The following NLRP5 variants were observed in gnomAD, a reference collection of about 807,000 sequenced individuals.
The protein encoded by NLRP5 is NLR family pyrin domain containing 5.
NLRP5 carries 93 observed loss-of-function variants against 113.1 expected under a neutral mutation model. The observed-to-expected ratio is 0.82, with a 90% confidence interval of 0.70 to 0.98. NLRP5 has a LOEUF of 0.98. NLRP5 is among the 50% of genes least tolerant of loss of function. The pLI, the probability that NLRP5 is intolerant of heterozygous loss-of-function variation, is 0.00. For missense variants in NLRP5, 1,808 were observed against 1,514.3 expected, an observed-to-expected ratio of 1.19 and a Z score of -3.22; for synonymous variants, 751 against 600.7, an observed-to-expected ratio of 1.25 and a Z score of -3.66.
At chr19:56,021,072 A>G (rs1009008124) in intron 6 of NLRP5, among the ~76,000 whole-genome samples, 6 of 151,824 alleles carry the variant, frequency 4.0e-5, no homozygotes, top group Non-Finnish European at 7.4e-5. Flanking sequence ...GGGTTTCACC[A>G]TATTGGCCAG....
At chr19:56,021,840 A>C (rs562592228) in intron 6 of NLRP5, among the ~76,000 whole-genome samples, 1 of 152,302 alleles carries the variant, frequency 6.6e-6, no homozygotes, top group East Asian at 1.9e-4. Flanking sequence ...TGAAGATATA[A>C]AGCTAACTGG....
chr19:56,003,556 CAA>C (rs1981736005), intron 1 of NLRP5, among the ~76,000 whole-genome samples, 178 bp from the exon 2 acceptor site: 1 of 152,184 alleles, frequency 6.6e-6, no homozygotes, highest in Non-Finnish European at 1.5e-5. Context: ...GTACAGACAA[CAA>C]AATGTCCCAG....
chr19:56,036,306 A>T (rs950327047), intron 9 of NLRP5, among the ~76,000 whole-genome samples: 3 of 151,570 alleles, frequency 2.0e-5, no homozygotes, highest in Admixed American at 1.3e-4. Flanking sequence ...TGACCTCGTG[A>T]TCTGCCCGCC....
At chr19:56,036,221 G>A (rs756861535) in intron 9 of NLRP5, among the ~76,000 whole-genome samples, 1 of 151,498 alleles carries the variant, frequency 6.6e-6, no homozygotes, top group Non-Finnish European at 1.5e-5. Flanking sequence ...CCGCCACCAC[G>A]CCCGGCTAAT....
chr19:55,995,643 G>C (rs1981300622), upstream of NLRP5, among the ~76,000 whole-genome samples: 1 of 152,158 alleles, frequency 6.6e-6, no homozygotes, highest in South Asian at 2.1e-4. Context: ...TTGGTGTTTT[G>C]ATAGGGATTG....
At chr19:56,043,863 C>T (rs10407520) in intron 11 of NLRP5, among the ~76,000 whole-genome samples, 59,041 of 151,272 alleles carry the variant, frequency 0.39, 11,897 homozygotes, top group Non-Finnish European at 0.44. Flanking sequence ...AGGCGTGAGC[C>T]ACCACGCCTG....
At chr19:56,049,665 T>G (rs1274884953) in intron 11 of NLRP5, among the ~76,000 whole-genome samples, 4 of 152,158 alleles carry the variant, frequency 2.6e-5, no homozygotes, top group Non-Finnish European at 1.5e-5. Context: ...CCAGACCATT[T>G]CACATTTCTA....
chr19:56,050,147 G>A (rs1462093142), intron 11 of NLRP5, among the ~76,000 whole-genome samples: 1 of 151,988 alleles, frequency 6.6e-6, no homozygotes, highest in African/African-American at 2.4e-5. Context: ...AGGCGTGGTG[G>A]TGCATGCCTG....
rs143480905 is a variant in NLRP5, at chr19:56,055,492, C to T, written c.3299+1684C>T. Among the ~76,000 whole-genome samples the T allele has an allele frequency of 3.6e-3, 537 of 148,280 alleles. 7 individuals carry two copies. Among genetic ancestry groups the T allele is most frequent in the African/African-American group, 0.012 (501 of 40,628 alleles). On this transcript the variant is annotated intron_variant, in intron 13 of 14. Transcript: ENST00000390649. ...AAGGCTTACTTATCTTACTATAATACCATCACTCATCTTTTAGCTCCATGT... is the reference window on the plus strand; with the variant it reads ...AAGGCTTACTTATCTTACTATAATATCATCACTCATCTTTTAGCTCCATGT...
At chr19:56,019,867 C>T (rs10410222) in intron 5 of NLRP5, among the ~76,000 whole-genome samples, 5,631 of 148,128 alleles carry the variant, frequency 0.038, 476 homozygotes, top group African/African-American at 0.14. Flanking sequence ...GAAGGAGTCT[C>T]GCTGTGTCGC....
rs566266923 is a variant in NLRP5 at position 56,006,936 on chromosome 19, T to C, written c.443-1852T>C. Among the ~76,000 whole-genome samples the C allele has an allele frequency of 7.2e-3, 1,087 of 151,274 alleles. 16 individuals carry two copies. The highest frequency in any genetic ancestry group is 0.025 in the African/African-American group (1,043 of 41,142). On this transcript the variant is annotated intron_variant, in intron 2 of 14. Transcript: ENST00000390649. ...TTGTATTTTTAGTAGAGAAGGGGTT[T>C]CACCTTGTTAGCCAGGATGGTCTCG...
chr19:56,050,960 T>A (rs889375548), intron 12 of NLRP5, among the ~76,000 whole-genome samples: 1 of 152,228 alleles, frequency 6.6e-6, no homozygotes, highest in African/African-American at 2.4e-5. Flanking sequence ...TTTGTTGAAA[T>A]GTTTCTATTG....
upstream of NLRP5, among the ~76,000 whole-genome samples, chr19:55,996,795 T>C (rs998152262): frequency 6.6e-6 from 1 of 152,210 alleles, no homozygotes; most frequent in East Asian, 1.9e-4. Flanking sequence ...ACAATAAACA[T>C]ACGTGTGCAT....
chr19:56,055,872 C>T (rs554372362), intron 13 of NLRP5, among the ~76,000 whole-genome samples: 1 of 152,096 alleles, frequency 6.6e-6, no homozygotes, highest in Non-Finnish European at 1.5e-5. Context: ...AATGCAGTGT[C>T]TCCCTTAGCC....
In NLRP5 at chr19:56,004,014, C is replaced by G. The variant is rs1294986775; in HGVS notation, c.361C>G (p.Leu121Val). The G allele has an allele frequency of 6.2e-7, 1 of 1,613,974 alleles. No homozygotes were observed. Among genetic ancestry groups the G allele is most frequent in the Non-Finnish European group, 8.5e-7 (1 of 1,179,894 alleles). Residue 121 changes from leucine (L) to valine (V), a missense_variant, in exon 2 of 15, where the codon CTG becomes GTG. Transcript: ENST00000390649. ...CTTGCATGAGTATTATGGAGCATCG[C>G]TGGCCTGGGCTACGTCCATTAGCAT...
rs1351524574 is a variant in NLRP5, at chr19:56,027,112, G to T, written c.879G>T (p.Ser293=). The change falls in exon 7 of 15, where the codon TCG becomes TCT. Residue 293 remains serine (S), a synonymous_variant. Coordinates refer to ENST00000390649, the MANE Select transcript of NLRP5 (RefSeq NM_153447.4). ...ACGGAAAGTCAGGAATTGGGAAATC[G>T]GCTCTAGCCAGAAGGATCGTGCTGT... 2 of 1,582,400 alleles carry T rather than the reference G, an allele frequency of 1.3e-6. No individual in the cohort carries two copies. The highest frequency in any genetic ancestry group is 4.6e-5 in the East Asian group (2 of 43,190).
the NLRP5 span, among the ~76,000 whole-genome samples, chr19:55,986,914 A>G: frequency 6.6e-6 from 1 of 151,768 alleles, no homozygotes; most frequent in Admixed American, 6.6e-5. Context: ...AGGTGCCCCC[A>G]CCCTCTCCCT....
chr19:56,008,053 C>T (rs370417966), intron 2 of NLRP5, among the ~76,000 whole-genome samples: 6 of 134,282 alleles, frequency 4.5e-5, no homozygotes, highest in East Asian at 2.0e-4. Context: ...CTCAGCCTCC[C>T]GAGTAGCTGG....
At chr19:55,987,275 C>T in the NLRP5 span, among the ~76,000 whole-genome samples, 1 of 152,164 alleles carries the variant, frequency 6.6e-6, no homozygotes, top group African/African-American at 2.4e-5. Context: ...GAGGCTGAGA[C>T]GGGAGAATCG....
Sources: gnomAD v4.1 joint callset for allele counts (sites outside exome capture counted in the v4.1 genomes callset) on GRCh38, gnomAD v4.1.1 for gene constraint, MANE v1.5 for transcripts, NCBI Gene and HGNC (gene_info 2026-07-23, HGNC 2026-07-21) for gene names.